Variants in MIPOL1 observed in about 807,000 individuals in gnomAD.
MIPOL1 encodes the protein mirror-image polydactyly 1, also known as mirror-image polydactyly gene 1 protein.
In MIPOL1, 57 loss-of-function variants were observed where a neutral mutation model predicts 60.9. That is an observed-to-expected ratio of 0.94 (90% CI 0.76 to 1.17). The LOEUF (loss-of-function observed/expected upper bound fraction) is 1.17, where lower values mean the gene tolerates loss of function less well. MIPOL1 is among the 50% of genes most tolerant of loss of function. The probability of loss-of-function intolerance (pLI) is 0.00; values close to 1 mark genes in which losing one functional copy is unlikely to be tolerated. For missense variants in MIPOL1, 551 were observed against 511.6 expected, an observed-to-expected ratio of 1.08 and a Z score of -0.74; for synonymous variants, 179 against 168.8, an observed-to-expected ratio of 1.06 and a Z score of -0.47.
intron 12 of MIPOL1, among the ~76,000 whole-genome samples, chr14:37,516,984 A>G (rs904130847): frequency 2.0e-5 from 3 of 152,192 alleles, no homozygotes; most frequent in African/African-American, 7.2e-5. Context: ...TAATACTTTT[A>G]TCTAGAAAGT....
intron 9 of MIPOL1, among the ~76,000 whole-genome samples, chr14:37,349,530 AC>A (rs2153471443): frequency 6.6e-6 from 1 of 152,158 alleles, no homozygotes; most frequent in East Asian, 1.9e-4. Flanking sequence ...AAATGTTTCC[AC>A]CTTGGGGCCT....
chr14:37,215,281 G>A (rs184261151), intron 1 of MIPOL1, among the ~76,000 whole-genome samples: 38 of 151,788 alleles, frequency 2.5e-4, no homozygotes, highest in Non-Finnish European at 3.5e-4. Flanking sequence ...AAATAACAGC[G>A]CAGCCTGGGA....
At position 37,549,130 on chromosome 14, in the gene MIPOL1, C is replaced by T. The variant is rs1459897228; in HGVS notation, c.*2159C>T. The T allele has an allele frequency of 1.3e-5, 2 of 151,852 alleles. No individual in the cohort carries two copies. The highest frequency in any genetic ancestry group is 2.9e-5 in the Non-Finnish European group (2 of 67,818). 9.4% of individuals were successfully genotyped at this position (151,852 alleles called of 1,614,324 possible). ...CTGTATGAAGGAATAGCCTTGCCTA[C>T]TGAAGATAGGTTCTCTATGTATTCA... On this transcript the variant is annotated 3_prime_UTR_variant, in exon 13 of 13. Coordinates refer to ENST00000684589, the MANE Select transcript of MIPOL1 (RefSeq NM_001388067.1).
chr14:37,329,017 A>G (rs1264634045), intron 9 of MIPOL1, among the ~76,000 whole-genome samples: 1 of 152,176 alleles, frequency 6.6e-6, no homozygotes, highest in African/African-American at 2.4e-5. Context: ...GCGGGCAGGT[A>G]AGGGAAAGAG....
chr14:37,524,934 G>A (rs2095438162), intron 12 of MIPOL1, among the ~76,000 whole-genome samples: 1 of 151,910 alleles, frequency 6.6e-6, no homozygotes, highest in African/African-American at 2.4e-5. Flanking sequence ...AATAAAACTG[G>A]AAATAAAATG....
intron 7 of MIPOL1, among the ~76,000 whole-genome samples, chr14:37,307,661 C>T (rs1280696472): frequency 6.6e-6 from 1 of 151,782 alleles, no homozygotes; most frequent in Non-Finnish European, 1.5e-5. Context: ...AATAAAAATA[C>T]TAGCCTTGTT....
At position 37,439,641 on chromosome 14, in the gene MIPOL1, C is replaced by T. The variant is rs561628735; in HGVS notation, c.1031+16692C>T. On this transcript the variant is annotated intron_variant, in intron 11 of 12. Coordinates refer to ENST00000684589, the MANE Select transcript of MIPOL1 (RefSeq NM_001388067.1). The stretch of plus-strand genomic sequence containing the variant: ...ACTCTACACGTACGCATCACTTGCC[C>T]CTGAAAACGTCAACCCCTGGTCAAT... 1.1e-4 allele frequency among the ~76,000 whole-genome samples: 17 copies of T among 152,124 alleles called. No homozygotes were observed. The South Asian group carries it at 2.9e-3, about 26-fold the overall frequency.
intron 11 of MIPOL1, among the ~76,000 whole-genome samples, chr14:37,440,394 A>G (rs1361173010): frequency 6.6e-6 from 1 of 152,142 alleles, no homozygotes; most frequent in Non-Finnish European, 1.5e-5. Flanking sequence ...CATTGTAGCC[A>G]TTAAGTAATT....
chr14:37,437,697 T>G (rs1296823003), intron 11 of MIPOL1, among the ~76,000 whole-genome samples: 1 of 152,156 alleles, frequency 6.6e-6, no homozygotes, highest in Non-Finnish European at 1.5e-5. Flanking sequence ...AATTAACCTC[T>G]CAAAGCCTCA....
intron 1 of MIPOL1, among the ~76,000 whole-genome samples, chr14:37,238,675 G>T (rs191906263): frequency 1.3e-5 from 2 of 152,008 alleles, no homozygotes; most frequent in Non-Finnish European, 2.9e-5. Context: ...TCAGGGCCGG[G>T]TGCAGTGGCT....
chr14:37,201,645 T>C (rs1965360521), intron 1 of MIPOL1, among the ~76,000 whole-genome samples: 4 of 152,178 alleles, frequency 2.6e-5, no homozygotes, highest in Admixed American at 6.6e-5. Flanking sequence ...GCCGTGAAGC[T>C]CAACTGTGAC....
At chr14:37,325,143 A>G (rs2153449655) in intron 9 of MIPOL1, among the ~76,000 whole-genome samples, 1 of 152,190 alleles carries the variant, frequency 6.6e-6, no homozygotes, top group East Asian at 1.9e-4. Flanking sequence ...ACACCTTAAT[A>G]ATTTTTAGTT....
At chr14:37,443,801 A>G (rs1042979092) in intron 11 of MIPOL1, among the ~76,000 whole-genome samples, 5 of 151,964 alleles carry the variant, frequency 3.3e-5, no homozygotes, top group Non-Finnish European at 5.9e-5. Flanking sequence ...ATCCAACAGC[A>G]TATATAAAGG....
chr14:37,214,483 G>A (rs975116956), intron 1 of MIPOL1, among the ~76,000 whole-genome samples: 2 of 152,118 alleles, frequency 1.3e-5, no homozygotes, highest in Non-Finnish European at 2.9e-5. Context: ...GCAAGAGACC[G>A]AGGACACGAG....
At chr14:37,277,761 G>A (rs982954377) in intron 6 of MIPOL1, 2 of 151,198 alleles carry the variant, frequency 1.3e-5, no homozygotes, top group African/African-American at 2.4e-5. Flanking sequence ...CATACTTCTA[G>A]TAATTTTCTT....
At chr14:37,396,357 A>T (rs2153525494) in intron 10 of MIPOL1, among the ~76,000 whole-genome samples, 1 of 152,242 alleles carries the variant, frequency 6.6e-6, no homozygotes, top group African/African-American at 2.4e-5. Flanking sequence ...TTAATCTGAT[A>T]GGCTTTTTTT....
intron 9 of MIPOL1, among the ~76,000 whole-genome samples, chr14:37,369,114 A>G (rs2092566128): frequency 6.6e-6 from 1 of 151,972 alleles, no homozygotes; most frequent in Admixed American, 6.6e-5. Context: ...TTAAATATTA[A>G]TAAAATGTGA....
intron 11 of MIPOL1, among the ~76,000 whole-genome samples, chr14:37,448,855 C>T (rs2094377202): frequency 6.6e-6 from 1 of 152,176 alleles, no homozygotes; most frequent in South Asian, 2.1e-4. Flanking sequence ...ATGGAGGTCA[C>T]TCATAGTTTT....
At chr14:37,250,084 A>G (rs570548830) in intron 3 of MIPOL1, among the ~76,000 whole-genome samples, 13 of 152,322 alleles carry the variant, frequency 8.5e-5, no homozygotes, top group Non-Finnish European at 1.8e-4. Context: ...TTGAAGATAC[A>G]GATGCATAGA....
Sources: allele counts gnomAD v4.1 joint callset (sites outside exome capture counted in the v4.1 genomes callset), GRCh38; gene constraint gnomAD v4.1.1; transcripts MANE v1.5; gene names NCBI Gene and HGNC (gene_info 2026-07-23, HGNC 2026-07-21).